Variants in STAG2 observed in about 807,000 individuals in gnomAD.
STAG2 encodes the protein cohesin subunit SA-2.
A neutral mutation model predicts 108.1 loss-of-function variants in STAG2; 14 were observed. The observed-to-expected ratio is 0.13, with a 90% confidence interval of 0.09 to 0.20. The LOEUF (loss-of-function observed/expected upper bound fraction) is 0.20. Among genes scored for constraint, STAG2 ranks in the 10% least tolerant of loss-of-function variants. The pLI, the probability that STAG2 is intolerant of heterozygous loss-of-function variation, is 1.00. For synonymous variants in STAG2, 307 were observed against 302.7 expected, an observed-to-expected ratio of 1.01 and a Z score of -0.15; for missense variants, 440 against 940.9, an observed-to-expected ratio of 0.47 and a Z score of 6.96.
intron 16 of STAG2, 136 bp downstream of exon 16, chrX:124,061,477 A>T: frequency 2.1e-6 from 1 of 480,825 alleles, no homozygotes; most frequent in Non-Finnish European, 3.5e-6. Flanking sequence ...TTGTTTTCAT[A>T]TAAATATTAT....
intron 13 of STAG2, among the ~76,000 whole-genome samples, chrX:124,053,513 G>A (rs925159002): frequency 1.8e-5 from 2 of 110,781 alleles, no homozygotes; most frequent in African/African-American, 6.6e-5. Context: ...AATTTATCAT[G>A]TAAGAGTTGC....
At chrX:124,009,421 AGGTAGG>A (rs2056428843) in intron 1 of STAG2, among the ~76,000 whole-genome samples, 2 of 82,863 alleles carry the variant, frequency 2.4e-5, no homozygotes, top group Admixed American at 1.7e-4. Flanking sequence ...GTAGGTAGGT[AGGTAGG>A]TAGGTAGGTA....
At chrX:124,079,166 T>C (rs2058883603) in intron 27 of STAG2, among the ~76,000 whole-genome samples, 1 of 103,034 alleles carries the variant, frequency 9.7e-6, no homozygotes, top group Non-Finnish European at 2.0e-5. Flanking sequence ...TGAGACGGAG[T>C]CTCGCCCTGT....
At chrX:124,079,303 T>C (rs1178282603) in intron 27 of STAG2, among the ~76,000 whole-genome samples, 5 of 109,732 alleles carry the variant, frequency 4.6e-5, no homozygotes, top group Non-Finnish European at 9.5e-5. Flanking sequence ...CACACCCGGC[T>C]AATTTTTTTG....
At chrX:123,986,215 A>G (rs1237395888) in intron 1 of STAG2, among the ~76,000 whole-genome samples, 2 of 107,547 alleles carry the variant, frequency 1.9e-5, no homozygotes, top group Non-Finnish European at 3.8e-5. Context: ...GTGTGTATAT[A>G]TGGGAAATAT....
chrX:124,080,164 G>C (rs2058917877), intron 27 of STAG2, among the ~76,000 whole-genome samples: 1 of 111,099 alleles, frequency 9.0e-6, no homozygotes, highest in African/African-American at 3.3e-5. Context: ...TAGATAAACA[G>C]TACAGTACAT....
chrX:124,050,719 C>G (rs188958863), intron 11 of STAG2, among the ~76,000 whole-genome samples: 1 of 111,512 alleles, frequency 9.0e-6, no homozygotes, highest in Non-Finnish European at 1.9e-5. Flanking sequence ...GGTTTCTGAC[C>G]TTTTTAATAT....
chrX:123,974,529 A>G (rs1237269454), intron 1 of STAG2, among the ~76,000 whole-genome samples: 3 of 101,988 alleles, frequency 2.9e-5, no homozygotes, highest in Non-Finnish European at 4.0e-5. Context: ...GCCTGGCCCC[A>G]TGATCATCTT....
intron 1 of STAG2, among the ~76,000 whole-genome samples, chrX:124,013,924 A>G (rs999798296): frequency 9.0e-6 from 1 of 111,232 alleles, no homozygotes; most frequent in Non-Finnish European, 1.9e-5. Flanking sequence ...TCCAACCCCT[A>G]ACTAAGGGGG....
chrX:124,045,604 T>C (rs1424506480), intron 8 of STAG2, among the ~76,000 whole-genome samples: 1 of 111,441 alleles, frequency 9.0e-6, no homozygotes. Flanking sequence ...ATACTATGCA[T>C]ACTGTGCCAC....
intron 1 of STAG2, among the ~76,000 whole-genome samples, chrX:123,981,986 C>T (rs901564458): frequency 1.8e-5 from 2 of 110,959 alleles, no homozygotes; most frequent in Non-Finnish European, 3.8e-5. Flanking sequence ...CCCTGCAGCA[C>T]CTCACTACCC....
In STAG2 at chrX:124,066,246, G is replaced by T. The variant is rs1239113258; in HGVS notation, c.2168G>T (p.Gly723Val). 8 of 1,198,150 alleles carry T rather than the reference G, an allele frequency of 6.7e-6. No homozygotes were observed. The highest frequency in any genetic ancestry group is 9.0e-6 in the Non-Finnish European group (8 of 890,174). Residue 723 changes from glycine to valine, a missense_variant, in exon 22 of 35, where the codon GGA becomes GTA. Physicochemically the swap from Gly to Val is moderately radical, Grantham distance 109. This residue lies in a region of STAG2 where 337 missense variants were observed against 649.3 expected (regional missense o/e 0.52). Transcript: ENST00000371145. ...CTCTTGAAAACTGGAATCGAAAATG[G>T]AGACATGCCTGAGCAGGTTTTTATT... Reference protein sequence around the residue: ...YKLLKTGIENGDMPEQIVIHA... With the variant: ...YKLLKTGIENVDMPEQIVIHA...
At chrX:124,095,215 C>A (rs1044346116) in intron 33 of STAG2, among the ~76,000 whole-genome samples, 157 bp from the exon 34 acceptor site, 2 of 112,431 alleles carry the variant, frequency 1.8e-5, no homozygotes, top group African/African-American at 6.5e-5. Context: ...GCGTGAGCCA[C>A]CGCACCCGGC....
intron 1 of STAG2, among the ~76,000 whole-genome samples, chrX:123,983,969 CTTTTCTT>C (rs1428329960): frequency 5.3e-3 from 345 of 64,589 alleles, no homozygotes; most frequent in African/African-American, 0.024. Context: ...ATTTTCTTTT[CTTTTCTT>C]TTTTTTTTTT....
chrX:124,055,839 A>G (rs1156945113), intron 13 of STAG2, among the ~76,000 whole-genome samples: 1 of 111,919 alleles, frequency 8.9e-6, no homozygotes, highest in Non-Finnish European at 1.9e-5. Context: ...TACTTTCTAT[A>G]TGGGTTTTCA....
chrX:124,041,877 C>A (rs747594840), intron 6 of STAG2, among the ~76,000 whole-genome samples: 1 of 111,624 alleles, frequency 9.0e-6, no homozygotes, highest in Non-Finnish European at 1.9e-5. Context: ...TCTTTATTTT[C>A]TAACTTATAA....
In STAG2 at chrX:124,039,503, A is replaced by G. The variant is rs1460681671; in HGVS notation, c.385+1880A>G. Among the ~76,000 whole-genome samples the G allele has an allele frequency of 2.7e-5, 3 of 109,933 alleles. No homozygotes were observed. The East Asian group carries it at 8.5e-4, about 31-fold the overall frequency. The stretch of plus-strand genomic sequence containing the variant: ...GCTGTGTTGCCCAGGCTGATCCTCA[A>G]TCTCCTAAACTCAGGCAGTTGTCCC... On this transcript the variant is annotated intron_variant, in intron 6 of 34. Coordinates refer to ENST00000371145, the MANE Select transcript of STAG2 (RefSeq NM_001042750.2).
rs377387979 is a variant in STAG2, at chrX:124,102,520, A to G, written c.*1923A>G. 1 of 154,378 alleles carries G rather than the reference A, an allele frequency of 6.5e-6. No individual in the cohort carries two copies. Among genetic ancestry groups the G allele is most frequent in the Non-Finnish European group, 1.3e-5 (1 of 78,151 alleles). The allele number at this position is 154,378 out of a possible 1,213,427, so 12.7% of individuals were successfully genotyped here. A position where few individuals can be genotyped will look rare whatever the true frequency, so the allele number is the denominator to read the frequency against. ...CAGTATGTTGTATGTTTTCTCTTGT[A>G]CTCAAAGGGGGAGGGTGGCTATAAA... On this transcript the variant is annotated 3_prime_UTR_variant, in exon 35 of 35. Transcript: ENST00000371145.
intron 6 of STAG2, among the ~76,000 whole-genome samples, chrX:124,038,398 G>T (rs573024651): frequency 1.8e-5 from 2 of 109,005 alleles, no homozygotes; most frequent in East Asian, 2.9e-4. Flanking sequence ...ATTTTATGGA[G>T]ATTTCTGGGG....
Sources: gnomAD v4.1 joint callset for allele counts (sites outside exome capture counted in the v4.1 genomes callset) on GRCh38, gnomAD v4.1.1 for gene constraint, gnomAD v4.1.1 regional missense constraint, MANE v1.5 for transcripts, NCBI Gene and HGNC (gene_info 2026-07-23, HGNC 2026-07-21) for gene names.